Variants in RFC1 observed in about 807,000 individuals in gnomAD.
RFC1 encodes the protein A1 140 kDa subunit.
In RFC1, 37 loss-of-function variants were observed where a neutral mutation model predicts 137.4. That is an observed-to-expected ratio of 0.27 (90% confidence interval 0.21 to 0.35). RFC1 has a LOEUF of 0.35. Among genes scored for constraint, RFC1 ranks in the 10% least tolerant of loss-of-function variants. The pLI is 1.00. For missense variants in RFC1, 1,205 were observed against 1,358.5 expected, an observed-to-expected ratio of 0.89 and a Z score of 1.78; for synonymous variants, 429 against 455.7, an observed-to-expected ratio of 0.94 and a Z score of 0.75.
At chr4:39,366,032 G>C (rs1226328373) in intron 1 of RFC1, among the ~76,000 whole-genome samples, 3 of 152,172 alleles carry the variant, frequency 2.0e-5, no homozygotes, top group East Asian at 3.8e-4. Context: ...ATCCCTGCGC[G>C]CTGGCTGCCG....
chr4:39,336,743 G>T (rs1351567106), intron 4 of RFC1, among the ~76,000 whole-genome samples: 3 of 152,210 alleles, frequency 2.0e-5, no homozygotes, highest in Non-Finnish European at 4.4e-5. Flanking sequence ...ACCCTTGGTT[G>T]AGAAACACTG....
chr4:39,349,435 C>T (rs1241980999), intron 2 of RFC1, among the ~76,000 whole-genome samples: 1 of 152,152 alleles, frequency 6.6e-6, no homozygotes, highest in Non-Finnish European at 1.5e-5. Flanking sequence ...AGTGCTCATT[C>T]AATCTCTATC....
chr4:39,364,100 A>AG (rs1436477945), intron 1 of RFC1, among the ~76,000 whole-genome samples: 93 of 135,172 alleles, frequency 6.9e-4, no homozygotes, highest in African/African-American at 2.3e-3. Flanking sequence ...AAAAAAAAAA[A>AG]AAGAAGAAGA....
chr4:39,322,531 T>C (rs1198305847), intron 7 of RFC1: 3 of 152,230 alleles, frequency 2.0e-5, no homozygotes, highest in African/African-American at 7.2e-5. Flanking sequence ...CAGTGATTAA[T>C]ACTGAAGTTA....
At chr4:39,292,913 G>A (rs1303225992) in intron 22 of RFC1, among the ~76,000 whole-genome samples, 1 of 152,064 alleles carries the variant, frequency 6.6e-6, no homozygotes, top group East Asian at 1.9e-4. Flanking sequence ...CCAAAGTGGT[G>A]GGATTACAGA....
At chr4:39,311,631 G>A in intron 11 of RFC1, 82 bp from the exon 12 acceptor site, 1 of 986,298 alleles carries the variant, frequency 1.0e-6, no homozygotes, top group Non-Finnish European at 1.5e-6. Context: ...AAATTCTAGG[G>A]CCTATTAGTA....
At position 39,349,040 on chromosome 4, in the gene RFC1, C is replaced by T. The variant is rs369972113; in HGVS notation, c.132+2308G>A. On this transcript the variant is annotated intron_variant, in intron 2 of 24. Coordinates refer to ENST00000349703, the MANE Select transcript of RFC1 (RefSeq NM_002913.5). ...ACTATCATATTTTAGAAGCACATTC[C>T]TTATCTGGTTTCACAGGTTCACAGC... is the stretch of plus-strand genomic sequence containing the variant. Among the ~76,000 whole-genome samples, 7 of 143,158 alleles carry T rather than the reference C, an allele frequency of 4.9e-5. No homozygotes were observed. In the East Asian group the frequency reaches 8.4e-4, roughly 17 times the overall value. 93.9% of individuals were successfully genotyped at this position (143,158 alleles called of 152,430 possible). A position where few individuals can be genotyped will look rare whatever the true frequency, so the allele number is the denominator to read the frequency against.
chr4:39,290,082 C>T, intron 23 of RFC1, 43 bp from the exon 24 acceptor site: 1 of 1,431,770 alleles, frequency 7.0e-7, no homozygotes, highest in Admixed American at 2.0e-5. Context: ...ATCTAAGTCC[C>T]AAACAATTCT....
At chr4:39,294,606 C>G (rs763538321) in intron 22 of RFC1, among the ~76,000 whole-genome samples, 1 of 151,478 alleles carries the variant, frequency 6.6e-6, no homozygotes, top group Non-Finnish European at 1.5e-5. Flanking sequence ...AGAGGTGGAG[C>G]TTGCAGTGAG....
intron 7 of RFC1, among the ~76,000 whole-genome samples, chr4:39,322,119 A>T (rs1160993151): frequency 6.6e-6 from 1 of 152,178 alleles, no homozygotes; most frequent in Non-Finnish European, 1.5e-5. Flanking sequence ...TAAAAATAAA[A>T]AAATTAAAAA....
intron 11 of RFC1, among the ~76,000 whole-genome samples, chr4:39,312,506 T>C (rs1739006035): frequency 6.6e-6 from 1 of 151,856 alleles, no homozygotes; most frequent in African/African-American, 2.4e-5. Flanking sequence ...TCTTCAAAAA[T>C]AAAAAAAGAC....
At chr4:39,333,629 G>A (rs1375098569) in intron 4 of RFC1, among the ~76,000 whole-genome samples, 1 of 151,518 alleles carries the variant, frequency 6.6e-6, no homozygotes, top group African/African-American at 2.4e-5. Flanking sequence ...ACATCACTCT[G>A]TTCTTTTATG....
intron 2 of RFC1, among the ~76,000 whole-genome samples, chr4:39,348,349 G>T (rs544449093): frequency 2.0e-5 from 3 of 148,260 alleles, no homozygotes; most frequent in South Asian, 2.2e-4. Flanking sequence ...CTTGAACCTG[G>T]GAGGCAGAGG....
At chr4:39,295,592 G>A (rs754339910) in intron 22 of RFC1, 22 bp downstream of exon 22, 9 of 1,563,988 alleles carry the variant, frequency 5.8e-6, no homozygotes, top group East Asian at 4.6e-5. Flanking sequence ...TAAAATACCC[G>A]AAACAGAGTA....
chr4:39,297,564 AG>A (rs1376730465), intron 21 of RFC1: 9 of 151,776 alleles, frequency 5.9e-5, no homozygotes, highest in Admixed American at 2.6e-4. Flanking sequence ...AGACAGTTGT[AG>A]GTATGCGGCG....
intron 4 of RFC1, among the ~76,000 whole-genome samples, chr4:39,329,725 A>G (rs1036658858): frequency 6.6e-6 from 1 of 152,096 alleles, no homozygotes; most frequent in Admixed American, 6.5e-5. Context: ...TGTCTCTAAA[A>G]AAAACTTTTT....
At chr4:39,332,960 C>T (rs1337222154) in intron 4 of RFC1, among the ~76,000 whole-genome samples, 1 of 152,170 alleles carries the variant, frequency 6.6e-6, no homozygotes, top group Non-Finnish European at 1.5e-5. Context: ...TCTACAAATA[C>T]AATAAGACAA....
chr4:39,328,291 T>C (rs1381876822), intron 4 of RFC1, among the ~76,000 whole-genome samples: 3 of 152,226 alleles, frequency 2.0e-5, no homozygotes, highest in African/African-American at 4.8e-5. Context: ...GCACTCATTA[T>C]GTACCAGGAA....
At chr4:39,303,276 T>C in intron 15 of RFC1, 125 bp from the exon 16 acceptor site, 1 of 629,290 alleles carries the variant, frequency 1.6e-6, no homozygotes, top group East Asian at 2.7e-5. Flanking sequence ...TATGCAGCAC[T>C]GGACTACAGA....
Sources: gnomAD v4.1 joint callset for allele counts (sites outside exome capture counted in the v4.1 genomes callset) on GRCh38, gnomAD v4.1.1 for gene constraint, MANE v1.5 for transcripts, NCBI Gene and HGNC (gene_info 2026-07-23, HGNC 2026-07-21) for gene names.